Variants in WASF3 observed in about 807,000 individuals in gnomAD.
WASF3 encodes the protein actin-binding protein WASF3.
In WASF3, 11 loss-of-function variants were observed where a neutral mutation model predicts 46.6. The ratio of observed to expected loss-of-function variants is 0.24; its 90% CI spans 0.15 to 0.39. WASF3 has a LOEUF of 0.39. Among genes scored for constraint, WASF3 ranks in the 10% least tolerant of loss-of-function variants. WASF3 has a pLI of 1.00. For missense variants in WASF3, 576 were observed against 669.8 expected, an observed-to-expected ratio of 0.86 and a Z score of 1.55; for synonymous variants, 242 against 259.7, an observed-to-expected ratio of 0.93 and a Z score of 0.65.
chr13:26,554,096 C>CTT (rs1555245931), upstream of WASF3, among the ~76,000 whole-genome samples: 17 of 7,386 alleles, frequency 2.3e-3, no homozygotes, highest in Non-Finnish European at 3.6e-3. Context: ...TCCTTCCTTC[C>CTT]TTCTTTCTTT....
At chr13:26,554,997 C>T (rs562474630), upstream of WASF3, among the ~76,000 whole-genome samples, 6 of 152,284 alleles carry the variant, frequency 3.9e-5, no homozygotes, top group Non-Finnish European at 7.4e-5. Context: ...GCATTCCCAT[C>T]GGCAATGGAT....
intron 2 of WASF3, chr13:26,638,233 A>G (rs1566059274): frequency 6.6e-6 from 1 of 152,140 alleles, no homozygotes; most frequent in South Asian, 2.1e-4. Context: ...ATCCATTTCC[A>G]TAGTTGAAGA....
intron 3 of WASF3, among the ~76,000 whole-genome samples, chr13:26,643,057 T>G (rs1882046992): frequency 6.6e-6 from 1 of 152,236 alleles, no homozygotes; most frequent in Non-Finnish European, 1.5e-5. Context: ...TATTCTCATT[T>G]TGAATATTAA....
At chr13:26,664,020 G>GGC (rs924404284) in intron 3 of WASF3, among the ~76,000 whole-genome samples, 74 of 152,256 alleles carry the variant, frequency 4.9e-4, no homozygotes, top group African/African-American at 1.7e-3. Context: ...GTGTGCAGGA[G>GGC]GCATCACACA....
intron 5 of WASF3, 102 bp downstream of exon 5, chr13:26,667,772 C>G (rs1383290445): frequency 1.7e-6 from 2 of 1,169,570 alleles, no homozygotes; most frequent in Non-Finnish European, 2.4e-6. Context: ...CTTGATGGTT[C>G]ATCTGGGTTA....
intron 1 of WASF3, among the ~76,000 whole-genome samples, chr13:26,570,169 T>A (rs1181256795): frequency 1.3e-5 from 2 of 152,118 alleles, no homozygotes; most frequent in African/African-American, 4.8e-5. Flanking sequence ...GCGCCTGTAA[T>A]TCCAGCTACG....
intron 1 of WASF3, chr13:26,577,624 T>A: frequency 8.3e-7 from 1 of 1,200,258 alleles, no homozygotes. Context: ...GCAAGACAGG[T>A]GCTAAAGTTG....
In WASF3 at chr13:26,681,293, C is replaced by T. The variant is rs747571625; in HGVS notation, c.956C>T (p.Ser319Phe). The part of the protein sequence containing the change: ...PPQAPEGSQA[S>F]APMAPADYGM... Reference sequence around the variant, plus strand: ...CAGGCCCCAGAGGGGTCCCAGGCCTCTGCACCGATGGCTCCAGCAGACTAC... The same window carrying T: ...CAGGCCCCAGAGGGGTCCCAGGCCTTTGCACCGATGGCTCCAGCAGACTAC... Residue 319 changes from serine to phenylalanine, a missense_variant, in exon 8 of 10, where the codon TCT becomes TTT. Coordinates refer to ENST00000335327, the MANE Select transcript of WASF3 (RefSeq NM_006646.6). 6.2e-7 allele frequency: 1 copy of T among 1,609,162 alleles called. No individual in the cohort carries two copies. The highest frequency in any genetic ancestry group is 8.5e-7 in the Non-Finnish European group (1 of 1,177,930).
intron 1 of WASF3, among the ~76,000 whole-genome samples, chr13:26,582,675 T>C (rs1431270300): frequency 2.6e-4 from 1 of 3,876 alleles, no homozygotes; most frequent in Non-Finnish European, 5.0e-4. Context: ...AGACTCCGTC[T>C]CAAAAAAAAA....
chr13:26,590,503 A>G (rs1880258427), intron 1 of WASF3, among the ~76,000 whole-genome samples: 1 of 152,186 alleles, frequency 6.6e-6, no homozygotes, highest in South Asian at 2.1e-4. Flanking sequence ...TGAGTCTTAA[A>G]CCAGAAATAT....
At chr13:26,658,190 CAGCCGA>C (rs1455623274) in intron 3 of WASF3, among the ~76,000 whole-genome samples, 4 of 152,108 alleles carry the variant, frequency 2.6e-5, no homozygotes, top group African/African-American at 7.2e-5. Flanking sequence ...GTTTTCTGTA[CAGCCGA>C]AGGGGATGGG....
At chr13:26,569,801 T>A (rs1879579515) in intron 1 of WASF3, among the ~76,000 whole-genome samples, 1 of 152,044 alleles carries the variant, frequency 6.6e-6, no homozygotes, top group Admixed American at 6.6e-5. Flanking sequence ...ATCAATTTGG[T>A]GAGATTAATA....
At chr13:26,568,242 G>A (rs1271576404) in intron 1 of WASF3, among the ~76,000 whole-genome samples, 1 of 151,950 alleles carries the variant, frequency 6.6e-6, no homozygotes, top group Non-Finnish European at 1.5e-5. Flanking sequence ...GCTGTGTAGA[G>A]GATAGACAGG....
intron 2 of WASF3, among the ~76,000 whole-genome samples, chr13:26,630,574 G>C (rs914503948): frequency 6.6e-6 from 1 of 152,198 alleles, no homozygotes; most frequent in East Asian, 1.9e-4. Flanking sequence ...GGACATTTGG[G>C]TTGGTTCCAA....
chr13:26,577,741 C>A, intron 1 of WASF3: 1 of 700,678 alleles, frequency 1.4e-6, no homozygotes, highest in Non-Finnish European at 2.5e-6. Flanking sequence ...AAATCAAAAC[C>A]AGGAAATTGA....
chr13:26,677,724 C>T (rs1437953119), intron 7 of WASF3, among the ~76,000 whole-genome samples: 1 of 152,122 alleles, frequency 6.6e-6, no homozygotes. Flanking sequence ...GAGTTTTAGC[C>T]TCATTTGAAT....
rs71080285 is a variant in WASF3 at position 26,660,194 on chromosome 13, GTTTTTTTTTTTTTTTTT to G, written c.134-4815_134-4799del. 8.1e-3 allele frequency among the ~76,000 whole-genome samples: 350 copies of G among 43,408 alleles called. 5 individuals are homozygous for G. Among genetic ancestry groups the G allele is most frequent in the Non-Finnish European group, 8.2e-3 (189 of 23,168 alleles). The allele number at this position is 43,408 out of a possible 152,430, so 28.5% of individuals were successfully genotyped here. ...GTAATTAGCTTTTGTTTTTTGTTTGGTTTTTTTTTTTTTTTTTTTTTTTTTTTTTTTTTTTAGCAAAA... is the reference window on the plus strand; with the variant it reads ...GTAATTAGCTTTTGTTTTTTGTTTGGTTTTTTTTTTTTTTTTTTAGCAAAA... On this transcript the variant is annotated intron_variant, in intron 3 of 9. Transcript: ENST00000335327.
At chr13:26,554,157 T>C (rs1879046165), upstream of WASF3, among the ~76,000 whole-genome samples, 1 of 146,698 alleles carries the variant, frequency 6.8e-6, no homozygotes, top group Non-Finnish European at 1.5e-5. Flanking sequence ...GACAGAGTCT[T>C]ACTCTGTCAC....
At chr13:26,594,488 G>C (rs1379167961) in intron 1 of WASF3, among the ~76,000 whole-genome samples, 1 of 152,138 alleles carries the variant, frequency 6.6e-6, no homozygotes, top group African/African-American at 2.4e-5. Context: ...ACTTGTATAT[G>C]CCCTTTGACT....
Sources: gnomAD v4.1 joint callset for allele counts (sites outside exome capture counted in the v4.1 genomes callset) on GRCh38, gnomAD v4.1.1 for gene constraint, MANE v1.5 for transcripts, NCBI Gene and HGNC (gene_info 2026-07-23, HGNC 2026-07-21) for gene names.